MERTK: variants seen among roughly 807,000 people sequenced by gnomAD.
MERTK encodes tyrosine-protein kinase Mer.
MERTK carries 69 observed loss-of-function variants against 99.3 expected under a neutral mutation model. That is an observed-to-expected ratio of 0.70 (90% confidence interval 0.57 to 0.85). MERTK has a LOEUF of 0.85. MERTK is among the 40% of genes least tolerant of loss of function. The pLI is 0.00. For missense variants in MERTK, 1,125 were observed against 1,249.4 expected, an observed-to-expected ratio of 0.90 and a Z score of 1.50; for synonymous variants, 426 against 467.6, an observed-to-expected ratio of 0.91 and a Z score of 1.15.
At chr2:112,020,461 C>T (rs1573646993) in intron 16 of MERTK, 1 of 393,624 alleles carries the variant, frequency 2.5e-6, no homozygotes, top group Admixed American at 3.0e-5. Flanking sequence ...TCACCTTCCC[C>T]AGACTACTTT....
At chr2:111,914,053 T>C (rs955781234) in intron 1 of MERTK, among the ~76,000 whole-genome samples, 1 of 151,880 alleles carries the variant, frequency 6.6e-6, no homozygotes, top group African/African-American at 2.4e-5. Context: ...TTCAGATCTT[T>C]ATTAAGTTGA....
intron 1 of MERTK, among the ~76,000 whole-genome samples, chr2:111,911,888 C>A (rs1313190804): frequency 5.9e-5 from 9 of 151,736 alleles, no homozygotes; most frequent in Non-Finnish European, 1.0e-4. Flanking sequence ...GAGGTTTTGC[C>A]ACATTGTCGA....
At chr2:111,988,839 C>T (rs1230764146) in intron 8 of MERTK, among the ~76,000 whole-genome samples, 1 of 152,170 alleles carries the variant, frequency 6.6e-6, no homozygotes, top group Non-Finnish European at 1.5e-5. Context: ...GTCCCAGCTA[C>T]TTGGGCAGCT....
intron 9 of MERTK, chr2:111,996,999 G>A (rs915162206): frequency 1.2e-5 from 4 of 347,094 alleles, no homozygotes; most frequent in East Asian, 1.3e-4. Flanking sequence ...TTTCTTGTAC[G>A]TGTATAATGA....
chr2:111,962,334 C>G (rs546555500), intron 4 of MERTK, among the ~76,000 whole-genome samples: 1 of 152,132 alleles, frequency 6.6e-6, no homozygotes, highest in East Asian at 1.9e-4. Flanking sequence ...ATGGTGATAC[C>G]CCGTCTCTAC....
intron 2 of MERTK, among the ~76,000 whole-genome samples, chr2:111,939,107 T>C (rs71414616): frequency 0.21 from 31,822 of 152,130 alleles, 4,011 homozygotes; most frequent in Middle Eastern, 0.36. Flanking sequence ...AGAAAGGAAA[T>C]TTATTTCTCA....
intron 4 of MERTK, among the ~76,000 whole-genome samples, chr2:111,954,924 T>G (rs929606673): frequency 6.6e-6 from 1 of 152,202 alleles, no homozygotes; most frequent in African/African-American, 2.4e-5. Context: ...TAATTAATTT[T>G]TTTTTAATTT....
intron 1 of MERTK, among the ~76,000 whole-genome samples, chr2:111,917,491 T>C (rs1163074096): frequency 6.6e-6 from 1 of 152,188 alleles, no homozygotes; most frequent in Non-Finnish European, 1.5e-5. Flanking sequence ...CTAGGACATA[T>C]GGGGCAAAAG....
At chr2:111,976,715 TTTC>T (rs577955305) in intron 7 of MERTK, among the ~76,000 whole-genome samples, 16 of 151,818 alleles carry the variant, frequency 1.1e-4, no homozygotes, top group East Asian at 3.9e-4. Context: ...TTGTTCTCCT[TTTC>T]TTCTTTTTCT....
intron 4 of MERTK, among the ~76,000 whole-genome samples, chr2:111,964,048 T>TTTTTTTTTTTTTTTTTTTTTTTC: frequency 6.8e-6 from 1 of 147,244 alleles, no homozygotes; most frequent in Non-Finnish European, 1.5e-5. Context: ...TCTTTCTTTT[T>TTTTTTTTTTTTTTTTTTTTTTTC]TTTTTTTGCT....
At chr2:111,970,871 T>C (rs1461603232) in intron 6 of MERTK, among the ~76,000 whole-genome samples, 2 of 146,086 alleles carry the variant, frequency 1.4e-5, no homozygotes, top group African/African-American at 5.2e-5. Flanking sequence ...TCCTCCTTCT[T>C]CTCCTTCTTC....
intron 1 of MERTK, among the ~76,000 whole-genome samples, chr2:111,914,341 A>AATC (rs763077387): frequency 4.6e-5 from 7 of 152,014 alleles, no homozygotes; most frequent in Non-Finnish European, 1.0e-4. Context: ...GCAATGGTGC[A>AATC]ATCACGGCTC....
chr2:111,902,675 C>G (rs1469729567), intron 1 of MERTK, among the ~76,000 whole-genome samples: 1 of 152,076 alleles, frequency 6.6e-6, no homozygotes, highest in Non-Finnish European at 1.5e-5. Flanking sequence ...GAAGCCTTCC[C>G]CAATAACCAC....
chr2:111,910,462 G>T (rs1292336694), intron 1 of MERTK, among the ~76,000 whole-genome samples: 2 of 151,778 alleles, frequency 1.3e-5, no homozygotes, highest in African/African-American at 2.4e-5. Flanking sequence ...TTGAGATGGG[G>T]TTTCACCATG....
chr2:112,019,361 A>C, intron 15 of MERTK, 52 bp from the exon 16 acceptor site: 1 of 1,391,420 alleles, frequency 7.2e-7, no homozygotes, highest in Non-Finnish European at 1.0e-6. Context: ...AACTGCTTGC[A>C]AGTTTTCCTT....
chr2:111,947,633 C>A (rs1684984783), intron 4 of MERTK, 66 bp downstream of exon 4: 3 of 1,579,970 alleles, frequency 1.9e-6, no homozygotes, highest in Non-Finnish European at 1.7e-6. Flanking sequence ...AGTTTGGCGA[C>A]CCTTGCTGTG....
rs182284084 is a variant in MERTK at position 111,942,403 on chromosome 2, C to T, written c.483-2557C>T. On this transcript the variant is annotated intron_variant, in intron 2 of 18. Coordinates refer to ENST00000295408, the MANE Select transcript of MERTK (RefSeq NM_006343.3). ...GAAAGCCAGGGTCACCGCTCAACCACTAGTCATTGCCCACGATGGGCAGGA... is the reference window on the plus strand; with the variant it reads ...GAAAGCCAGGGTCACCGCTCAACCATTAGTCATTGCCCACGATGGGCAGGA... Among the ~76,000 whole-genome samples, 10 of 152,342 alleles carry T rather than the reference C, an allele frequency of 6.6e-5. No individual in the cohort carries two copies. In the South Asian group the frequency reaches 2.1e-3, roughly 32 times the overall value.
intron 4 of MERTK, among the ~76,000 whole-genome samples, chr2:111,961,846 A>G (rs1685257520): frequency 6.6e-6 from 1 of 152,242 alleles, no homozygotes; most frequent in Non-Finnish European, 1.5e-5. Context: ...GCTCTCTGCC[A>G]TGTAGTGACC....
intron 9 of MERTK, chr2:111,994,669 C>T: frequency 4.4e-6 from 2 of 451,686 alleles, no homozygotes; most frequent in Non-Finnish European, 8.4e-6. Flanking sequence ...GTCCCAGCTA[C>T]TTGGGAGGCT....
Sources: gnomAD v4.1 joint callset for allele counts (sites outside exome capture counted in the v4.1 genomes callset) on GRCh38, gnomAD v4.1.1 for gene constraint, MANE v1.5 for transcripts, NCBI Gene and HGNC (gene_info 2026-07-23, HGNC 2026-07-21) for gene names.